The following FLYWCH1 variants were observed in gnomAD, a reference collection of about 807,000 sequenced individuals.
The protein encoded by FLYWCH1 is FLYWCH-type zinc finger-containing protein 1.
FLYWCH1 carries 75 observed loss-of-function variants against 66.4 expected under a neutral mutation model. That is an observed-to-expected ratio of 1.13 (90% CI 0.94 to 1.37). FLYWCH1 has a LOEUF of 1.37. FLYWCH1 is among the 40% of genes most tolerant of loss of function. The pLI is 0.00. For synonymous variants in FLYWCH1, 595 were observed against 429.9 expected (o/e 1.38, Z -4.75); for missense variants, 1,334 against 1,001.8 (o/e 1.33, Z -4.48).
At chr16:2,926,938 A>G (rs550099550) in intron 2 of FLYWCH1, among the ~76,000 whole-genome samples, 1 of 152,336 alleles carries the variant, frequency 6.6e-6, no homozygotes, top group South Asian at 2.1e-4. Flanking sequence ...GAGAATATCA[A>G]ATAGAAAAGG....
In FLYWCH1 at chr16:2,940,140, G is replaced by A. The variant is rs377446909; in HGVS notation, c.2111+48G>A. On this transcript the variant is annotated intron_variant, in intron 9 of 9. Coordinates refer to ENST00000253928, the MANE Select transcript of FLYWCH1 (RefSeq NM_001308068.2). ...GGTGCATGACCAATTACAACAAAAC[G>A]TAGTGGGCTTAAAACAACAAATATT... The A allele has an allele frequency of 1.3e-4, 115 of 889,196 alleles. 1 individual carries two copies. The highest frequency in any genetic ancestry group is 7.0e-4 in the South Asian group (50 of 71,394). 55.1% of individuals were successfully genotyped at this position (889,196 alleles called of 1,614,324 possible). A position where few individuals can be genotyped will look rare whatever the true frequency, so the allele number is the denominator to read the frequency against.
chr16:2,918,186 C>T (rs181022954), intron 2 of FLYWCH1, among the ~76,000 whole-genome samples: 71 of 137,244 alleles, frequency 5.2e-4, no homozygotes, highest in African/African-American at 1.7e-3. Context: ...GTCGCTCTGT[C>T]GCCCAGGCTG....
chr16:2,922,436 TC>T (rs2070406212), intron 2 of FLYWCH1: 1 of 200,396 alleles, frequency 5.0e-6, no homozygotes, highest in Non-Finnish European at 1.0e-5. Flanking sequence ...CTTTTCATCT[TC>T]CCCAACGGCT....
chr16:2,915,296 C>CT lies in FLYWCH1; in HGVS notation c.-74+1007_-74+1008insT, dbSNP rs1567316705. The stretch of plus-strand genomic sequence containing the variant: ...TGGGATTACAGGCATGCACCACGAC[C>CT]GACTAATTTTTTTGTATTTTTAGTA... On this transcript the variant is annotated intron_variant, in intron 2 of 9. Transcript: ENST00000253928. 245 of 152,016 alleles carry CT rather than the reference C, an allele frequency of 1.6e-3. 2 individuals carry two copies. The highest frequency in any genetic ancestry group is 5.5e-3 in the African/African-American group (229 of 41,476). The allele number at this position is 152,016 out of a possible 1,614,324, so 9.4% of individuals were successfully genotyped here. A position where few individuals can be genotyped will look rare whatever the true frequency, so the allele number is the denominator to read the frequency against.
chr16:2,936,068 C>T (rs2070985913), intron 6 of FLYWCH1: 1 of 249,778 alleles, frequency 4.0e-6, no homozygotes, highest in Non-Finnish European at 8.0e-6. Flanking sequence ...CACCACCACG[C>T]CCAGCTAATT....
In FLYWCH1 at chr16:2,933,210, G is replaced by C. The variant is rs2070837085; in HGVS notation, c.877G>C (p.Glu293Gln). ...LVHESFLYKR[E>Q]KAVGDKVYWT... ...ACACGAGTCGTTCCTCTACAAGCGG[G>C]AGAAGGCTGTCGGGGACAAGGTGTA... The change falls in exon 5 of 10, where the codon GAG becomes CAG. Residue 293 changes from glutamate to glutamine, a missense_variant. Glu to Gln is a conservative substitution (Grantham distance 29). Coordinates refer to ENST00000253928, the MANE Select transcript of FLYWCH1 (RefSeq NM_001308068.2). 6.2e-7 allele frequency: 1 copy of C among 1,613,624 alleles called. No homozygotes were observed. The highest frequency in any genetic ancestry group is 1.1e-5 in the South Asian group (1 of 91,078).
In FLYWCH1 at chr16:2,929,646, G is replaced by A; in HGVS notation, c.-40G>A. The A allele has an allele frequency of 6.3e-7, 1 of 1,580,714 alleles. No individual in the cohort carries two copies. The highest frequency in any genetic ancestry group is 2.3e-5 in the East Asian group (1 of 43,782). Reference sequence around the variant, plus strand: ...CACTGCACTCCAGGTTCCTTGCTGGGTGCTGAGCGTGGCCTGAGGGACAGG... The same window carrying A: ...CACTGCACTCCAGGTTCCTTGCTGGATGCTGAGCGTGGCCTGAGGGACAGG... On this transcript the variant is annotated 5_prime_UTR_variant, in exon 3 of 10. In the 5' UTR this introduces an upstream ATG that the reference lacks. Coordinates refer to ENST00000253928, the MANE Select transcript of FLYWCH1 (RefSeq NM_001308068.2).
chr16:2,913,867 A>AT (rs35627188), intron 1 of FLYWCH1, among the ~76,000 whole-genome samples: 84,744 of 151,408 alleles, frequency 0.56, 23,954 homozygotes, highest in Middle Eastern at 0.62. Flanking sequence ...TTAAAAAAAA[A>AT]TTTTTTTAGT....
At chr16:2,940,389 C>G (rs946371709) in intron 9 of FLYWCH1, among the ~76,000 whole-genome samples, 4 of 152,218 alleles carry the variant, frequency 2.6e-5, no homozygotes, top group African/African-American at 9.6e-5. Flanking sequence ...AAGCTGCCAG[C>G]AGCAGAATTC....
chr16:2,923,846 T>TGAC (rs1457131738), intron 2 of FLYWCH1, among the ~76,000 whole-genome samples: 1 of 152,102 alleles, frequency 6.6e-6, no homozygotes, highest in Admixed American at 6.5e-5. Context: ...GAGACCAGCC[T>TGAC]GACCAACATG....
chr16:2,923,731 T>G (rs1290326500), intron 2 of FLYWCH1, among the ~76,000 whole-genome samples: 1 of 152,178 alleles, frequency 6.6e-6, no homozygotes, highest in East Asian at 1.9e-4. Flanking sequence ...GTTTGCATTA[T>G]TCCATCTATT....
intron 9 of FLYWCH1, among the ~76,000 whole-genome samples, chr16:2,941,371 G>A (rs186792820): frequency 2.4e-4 from 37 of 152,284 alleles, no homozygotes; most frequent in South Asian, 4.1e-4. Flanking sequence ...ACTGAAAGCC[G>A]TGCTTAGAGG....
At chr16:2,925,732 G>T (rs1203228273) in intron 2 of FLYWCH1, among the ~76,000 whole-genome samples, 1 of 152,182 alleles carries the variant, frequency 6.6e-6, no homozygotes, top group Non-Finnish European at 1.5e-5. Flanking sequence ...TGGAGGAACA[G>T]GCTGGGCCGG....
chr16:2,937,294 C>T lies in FLYWCH1; in HGVS notation c.1687C>T (p.Arg563Cys), dbSNP rs370906110. ...CCAGGGCCGGCGGGTCATGGTCATG[C>T]GCAGGCACTGCCACCCACCGGACCT... ...ITQGRRVMVM[R>C]RHCHPPDLGG... The change falls in exon 7 of 10, where the codon CGC (arginine) becomes TGC (cysteine). Residue 563 changes from arginine (R) to cysteine (C), a missense_variant. Arg to Cys is a radical substitution (Grantham distance 180). Transcript: ENST00000253928. 1.4e-5 allele frequency: 22 copies of T among 1,603,778 alleles called. No homozygotes were observed. Among genetic ancestry groups the T allele is most frequent in the Non-Finnish European group, 1.8e-5 (21 of 1,176,280 alleles).
intron 9 of FLYWCH1, 45 bp downstream of exon 9, chr16:2,940,137 A>C (rs183313234): frequency 1.1e-6 from 1 of 906,228 alleles, no homozygotes; most frequent in Non-Finnish European, 1.8e-6. Context: ...ATTACAACAA[A>C]ACGTAGTGGG....
Position 2,932,034 on chromosome 16 carries a change from C to T in FLYWCH1, c.797-1096C>T, listed in dbSNP as rs146261189. Among the ~76,000 whole-genome samples the T allele has an allele frequency of 8.2e-3, 1,221 of 149,130 alleles. 55 individuals carry two copies. The highest frequency in any genetic ancestry group is 0.076 in the Admixed American group (1,129 of 14,816). On this transcript the variant is annotated intron_variant, in intron 4 of 9. Transcript: ENST00000253928. ...TCGGGAGGCTGAGGCAGGAGAATGG[C>T]GTGAACCCGGGAGGCGGAGCTTGCC...
At chr16:2,917,024 C>T (rs1433774951) in intron 2 of FLYWCH1, among the ~76,000 whole-genome samples, 3 of 150,268 alleles carry the variant, frequency 2.0e-5, no homozygotes, top group Admixed American at 6.6e-5. Context: ...GGCGTGGTAG[C>T]GCGCACCTGT....
chr16:2,938,399 C>G lies in FLYWCH1; in HGVS notation c.1993C>G (p.Leu665Val). ...SHCHQPDLAG[L>V]EALRQRERLP... ...CTGCCATCAGCCTGACCTGGCAGGC[C>G]TGGAGGCCTTGAGGCAACGGGAGCG... The change falls in exon 8 of 10, where the codon CTG becomes GTG. Residue 665 changes from leucine to valine, a missense_variant. Physicochemically the swap from Leu to Val is conservative, Grantham distance 32. Transcript: ENST00000253928. 1 of 1,552,560 alleles carries G rather than the reference C, an allele frequency of 6.4e-7. No homozygotes were observed. The highest frequency in any genetic ancestry group is 8.7e-7 in the Non-Finnish European group (1 of 1,148,734).
chr16:2,945,794 A>G (rs140791300), intron 9 of FLYWCH1, among the ~76,000 whole-genome samples: 2,573 of 152,192 alleles, frequency 0.017, 70 homozygotes, highest in African/African-American at 0.052. Context: ...TCAGGAGATC[A>G]AGACCATCCT....
Sources: gnomAD v4.1 joint callset for allele counts (sites outside exome capture counted in the v4.1 genomes callset) on GRCh38, gnomAD v4.1.1 for gene constraint, MANE v1.5 for transcripts, NCBI Gene and HGNC (gene_info 2026-07-23, HGNC 2026-07-21) for gene names.